UNC79: variants seen among roughly 807,000 people sequenced by gnomAD.
The protein encoded by UNC79 is protein unc-79 homolog.
In UNC79, 37 loss-of-function variants were observed where a neutral mutation model predicts 283.1. The ratio of observed to expected loss-of-function variants is 0.13; its 90% CI spans 0.10 to 0.17. The LOEUF is 0.17. Ranked by LOEUF, UNC79 falls within the 10% of genes least tolerant of loss-of-function variation. The pLI is 1.00. For missense variants in UNC79, 2,272 were observed against 3,211.1 expected (o/e 0.71, Z 7.07); for synonymous variants, 1,107 against 1,200.2 (o/e 0.92, Z 1.61).
intron 40 of UNC79, among the ~76,000 whole-genome samples, chr14:93,667,915 C>T (rs1380559619): frequency 6.6e-6 from 1 of 152,134 alleles, no homozygotes; most frequent in East Asian, 1.9e-4. Context: ...AAACTTCTAT[C>T]ATTATTCAGC....
intron 1 of UNC79, among the ~76,000 whole-genome samples, chr14:93,442,508 C>T (rs922142250): frequency 4.0e-5 from 6 of 151,806 alleles, no homozygotes; most frequent in African/African-American, 1.2e-4. Context: ...TTTATTTAGG[C>T]CTTATTTTGA....
chr14:93,549,871 A>G (rs1253459220), intron 14 of UNC79, among the ~76,000 whole-genome samples: 1 of 152,262 alleles, frequency 6.6e-6, no homozygotes, highest in Non-Finnish European at 1.5e-5. Context: ...CACTATGTAT[A>G]TGTAGAAACT....
intron 41 of UNC79, among the ~76,000 whole-genome samples, chr14:93,673,992 A>G (rs988591609): frequency 6.6e-6 from 1 of 152,180 alleles, no homozygotes; most frequent in East Asian, 1.9e-4. Flanking sequence ...GAGGACCACT[A>G]TAAGGCAGGC....
chr14:93,629,984 G>A (rs2067892195), intron 30 of UNC79, among the ~76,000 whole-genome samples: 1 of 152,216 alleles, frequency 6.6e-6, no homozygotes, highest in Non-Finnish European at 1.5e-5. Context: ...AAAATAATTT[G>A]TAGTTACCTA....
intron 1 of UNC79, among the ~76,000 whole-genome samples, chr14:93,443,438 T>TC (rs398118535): frequency 6.0e-5 from 9 of 150,754 alleles, no homozygotes; most frequent in Non-Finnish European, 8.9e-5. Flanking sequence ...TTTTTTTTTT[T>TC]CTCAAGACGG....
intron 47 of UNC79, among the ~76,000 whole-genome samples, chr14:93,695,605 T>C (rs1401410699): frequency 1.3e-5 from 2 of 151,934 alleles, no homozygotes; most frequent in Admixed American, 1.3e-4. Flanking sequence ...CCAAAAGTTT[T>C]TTCAGGCCAG....
chr14:93,566,408 G>A (rs1434183991), intron 14 of UNC79, among the ~76,000 whole-genome samples: 1 of 152,130 alleles, frequency 6.6e-6, no homozygotes, highest in Non-Finnish European at 1.5e-5. Context: ...TAGGCAAAGA[G>A]CGGGAATTGA....
chr14:93,343,392 T>A (rs921162576), intron 1 of UNC79, among the ~76,000 whole-genome samples: 25 of 152,252 alleles, frequency 1.6e-4, no homozygotes, highest in Non-Finnish European at 1.0e-4. Flanking sequence ...TGTTGCCAGT[T>A]GCAGAACTTG....
At chr14:93,615,649 G>A (rs2066646290) in intron 27 of UNC79, among the ~76,000 whole-genome samples, 1 of 143,472 alleles carries the variant, frequency 7.0e-6, no homozygotes, top group Non-Finnish European at 1.5e-5. Context: ...TGGAACCTGG[G>A]AGGTAGAGTT....
chr14:93,639,123 C>T (rs2068784032), intron 32 of UNC79, among the ~76,000 whole-genome samples: 1 of 152,172 alleles, frequency 6.6e-6, no homozygotes, highest in Non-Finnish European at 1.5e-5. Context: ...CTTTTCTTGA[C>T]TTTAATTGTG....
intron 41 of UNC79, among the ~76,000 whole-genome samples, chr14:93,681,239 T>C (rs1222653480): frequency 6.6e-6 from 1 of 152,232 alleles, no homozygotes; most frequent in East Asian, 1.9e-4. Flanking sequence ...TGGGGACAGC[T>C]CTGCTTGTGC....
At chr14:93,637,469 C>T (rs1013359609) in intron 32 of UNC79, 170 bp downstream of exon 35, 6 of 1,174,164 alleles carry the variant, frequency 5.1e-6, no homozygotes, top group African/African-American at 1.6e-5. Flanking sequence ...CATCTTTGAA[C>T]ATGGCCAACA....
chr14:93,675,090 A>G (rs769522630), intron 41 of UNC79, among the ~76,000 whole-genome samples: 28 of 152,214 alleles, frequency 1.8e-4, no homozygotes, highest in Non-Finnish European at 3.4e-4. Context: ...TCAGAAACCT[A>G]GAGTGACCTT....
intron 32 of UNC79, among the ~76,000 whole-genome samples, chr14:93,639,477 T>C: frequency 6.6e-6 from 1 of 152,250 alleles, no homozygotes; most frequent in East Asian, 1.9e-4. Context: ...TTTATGCTTG[T>C]AATTCTGTTG....
chr14:93,689,992 C>CACTCAATT, intron 44 of UNC79, 125 bp from the exon 48 acceptor site: 1 of 998,500 alleles, frequency 1.0e-6, no homozygotes, highest in Non-Finnish European at 1.5e-6. Context: ...ATTGCCTTGG[C>CACTCAATT]GTTTTGTTTT....
intron 1 of UNC79, among the ~76,000 whole-genome samples, chr14:93,385,598 G>C (rs1411447482): frequency 6.6e-6 from 1 of 152,040 alleles, no homozygotes; most frequent in East Asian, 1.9e-4. Context: ...GGCCAACATG[G>C]TGAAACCTCA....
At chr14:93,343,158 C>G (rs1354845229) in intron 1 of UNC79, among the ~76,000 whole-genome samples, 3 of 152,290 alleles carry the variant, frequency 2.0e-5, no homozygotes, top group East Asian at 3.9e-4. Flanking sequence ...TACCCCACTC[C>G]TGTTACCAAT....
chr14:93,695,833 G>A (rs1409080147), intron 47 of UNC79, among the ~76,000 whole-genome samples: 3 of 137,506 alleles, frequency 2.2e-5, no homozygotes, highest in Non-Finnish European at 4.6e-5. Context: ...GGAGGTTGCA[G>A]TGAGCCTAGA....
chr14:93,456,078 G>T (rs570877520), intron 1 of UNC79, among the ~76,000 whole-genome samples: 8 of 152,148 alleles, frequency 5.3e-5, no homozygotes, highest in Admixed American at 2.0e-4. Context: ...GGAACATGTG[G>T]CTAGAAATGG....
Sources: gnomAD v4.1 joint callset for allele counts (sites outside exome capture counted in the v4.1 genomes callset) on GRCh38, gnomAD v4.1.1 for gene constraint, MANE v1.5 for transcripts, NCBI Gene and HGNC (gene_info 2026-07-23, HGNC 2026-07-21) for gene names.